NAT1: variants seen among roughly 807,000 people sequenced by gnomAD.
The protein encoded by NAT1 is arylamine N-acetyltransferase 1.
For synonymous variants in NAT1, 144 were observed against 122.6 expected, an observed-to-expected ratio of 1.17 and a Z score of -1.16; for missense variants, 400 against 339.2, an observed-to-expected ratio of 1.18 and a Z score of -1.41.
At chr8:18,221,062 A>G (rs1563195771) in intron 2 of NAT1, among the ~76,000 whole-genome samples, 1 of 152,160 alleles carries the variant, frequency 6.6e-6, no homozygotes, top group Non-Finnish European at 1.5e-5. Context: ...CTTACAGTAA[A>G]AACCAAAATG....
intron 2 of NAT1, among the ~76,000 whole-genome samples, chr8:18,176,990 A>G (rs550115190): frequency 6.6e-6 from 1 of 152,184 alleles, no homozygotes; most frequent in East Asian, 1.9e-4. Context: ...GAATGAGATT[A>G]TTTTTAAAAT....
intron 2 of NAT1, among the ~76,000 whole-genome samples, chr8:18,184,142 C>T (rs1191967079): frequency 6.6e-6 from 1 of 152,304 alleles, no homozygotes; most frequent in Non-Finnish European, 1.5e-5. Context: ...GCCTGGGCCC[C>T]ATGACTTGCC....
chr8:18,172,512 G>C (rs1326274808), intron 2 of NAT1, among the ~76,000 whole-genome samples: 2 of 152,098 alleles, frequency 1.3e-5, no homozygotes, highest in African/African-American at 4.8e-5. Flanking sequence ...CCATGTACCA[G>C]TCAAAACTAA....
At chr8:18,180,452 G>A (rs1329770560) in intron 2 of NAT1, among the ~76,000 whole-genome samples, 1 of 152,090 alleles carries the variant, frequency 6.6e-6, no homozygotes, top group African/African-American at 2.4e-5. Context: ...CACCTGCTCT[G>A]CTCCAGTATT....
At position 18,213,675 on chromosome 8, in the gene NAT1, T is replaced by A. The variant is rs532878252; in HGVS notation, c.-86+3495T>A. Among the ~76,000 whole-genome samples the A allele has an allele frequency of 1.4e-4, 22 of 152,278 alleles. No homozygotes were observed. In the South Asian group the frequency reaches 4.6e-3, roughly 32 times the overall value. ...AGTCTGGTGCTGCCTGGCTCATGAA[T>A]TGCTATCTGTTCTAATAAACTTTAA... On this transcript the variant is annotated intron_variant, in intron 1 of 2. Coordinates refer to ENST00000307719, the MANE Select transcript of NAT1 (RefSeq NM_000662.8).
At chr8:18,197,441 A>C (rs1180269789) in intron 2 of NAT1, among the ~76,000 whole-genome samples, 2 of 152,310 alleles carry the variant, frequency 1.3e-5, no homozygotes, top group African/African-American at 2.4e-5. Flanking sequence ...AGACATCGGC[A>C]GTGTCTGGAG....
At chr8:18,171,629 CA>C (rs1199400552) in intron 2 of NAT1, among the ~76,000 whole-genome samples, 3 of 151,834 alleles carry the variant, frequency 2.0e-5, no homozygotes, top group Non-Finnish European at 4.4e-5. Flanking sequence ...ACAAACAAAA[CA>C]AAAAAACCTC....
intron 2 of NAT1, among the ~76,000 whole-genome samples, chr8:18,191,261 A>G (rs1403503835): frequency 6.6e-6 from 1 of 152,208 alleles, no homozygotes; most frequent in Non-Finnish European, 1.5e-5. Context: ...TGTCTACAGT[A>G]TGAGAAGAAC....
chr8:18,202,017 C>T (rs994830151), intron 2 of NAT1, among the ~76,000 whole-genome samples: 2 of 152,196 alleles, frequency 1.3e-5, no homozygotes, highest in African/African-American at 2.4e-5. Context: ...TTTTGAAACT[C>T]TTTGTAAATA....
intron 2 of NAT1, among the ~76,000 whole-genome samples, chr8:18,174,661 C>T (rs148795668): frequency 3.9e-5 from 6 of 151,990 alleles, no homozygotes; most frequent in Non-Finnish European, 7.4e-5. Flanking sequence ...TGATTTTTCC[C>T]TGTAATAATA....
intron 2 of NAT1, among the ~76,000 whole-genome samples, chr8:18,197,489 A>C (rs1335157736): frequency 6.6e-6 from 1 of 152,106 alleles, no homozygotes; most frequent in East Asian, 1.9e-4. Flanking sequence ...TGCTATTGGC[A>C]TCTAGTGGGT....
At position 18,217,775 on chromosome 8, in the gene NAT1, T is replaced by A. The variant is rs149129477; in HGVS notation, c.-85-1636T>A. Among the ~76,000 whole-genome samples the A allele has an allele frequency of 2.4e-4, 36 of 152,290 alleles. No homozygotes were observed. In the East Asian group the frequency reaches 7.0e-3, roughly 29 times the overall value. On this transcript the variant is annotated intron_variant, in intron 1 of 2. Transcript: ENST00000307719. ...TACAATATTGTTTATTGCCCTCAAG[T>A]CCTGCACAAATCTCCATTTTCTCCT...
At chr8:18,215,567 G>A (rs1488485469) in intron 1 of NAT1, among the ~76,000 whole-genome samples, 3 of 151,724 alleles carry the variant, frequency 2.0e-5, no homozygotes, top group Middle Eastern at 3.2e-3. Flanking sequence ...TTTATTTTTA[G>A]CTGTTTTTTA....
At chr8:18,209,313 G>A (rs535771387), upstream of NAT1, among the ~76,000 whole-genome samples, 2 of 152,350 alleles carry the variant, frequency 1.3e-5, no homozygotes, top group East Asian at 1.9e-4. Flanking sequence ...CACAGCACAA[G>A]GAAACACTCA....
intron 2 of NAT1, among the ~76,000 whole-genome samples, chr8:18,199,317 C>CAAA (rs373393013): frequency 4.6e-5 from 4 of 87,476 alleles, no homozygotes; most frequent in African/African-American, 1.5e-4. Flanking sequence ...GACTCTGTCT[C>CAAA]AAAAAAAAAA....
intron 2 of NAT1, among the ~76,000 whole-genome samples, chr8:18,179,793 T>C (rs981540385): frequency 5.9e-5 from 9 of 152,324 alleles, no homozygotes; most frequent in African/African-American, 2.2e-4. Context: ...ATATTTATTT[T>C]GCACTCATAT....
intron 1 of NAT1, 72 bp from the exon 2 acceptor site, chr8:18,219,339 C>A: frequency 9.8e-7 from 1 of 1,022,092 alleles, no homozygotes; most frequent in South Asian, 1.5e-5. Context: ...AATTTACGGT[C>A]TACAAAACTA....
intron 2 of NAT1, among the ~76,000 whole-genome samples, chr8:18,172,314 C>T (rs970938162): frequency 2.6e-5 from 4 of 152,172 alleles, no homozygotes; most frequent in Non-Finnish European, 5.9e-5. Context: ...TTCTACCTCC[C>T]GACATGCCAC....
intron 2 of NAT1, among the ~76,000 whole-genome samples, chr8:18,194,539 G>A (rs1388117009): frequency 3.9e-5 from 6 of 152,088 alleles, no homozygotes; most frequent in African/African-American, 1.4e-4. Flanking sequence ...ACTTAAGGTT[G>A]GCTGGGCACG....
Sources: allele counts gnomAD v4.1 joint callset (sites outside exome capture counted in the v4.1 genomes callset), GRCh38; gene constraint gnomAD v4.1.1; transcripts MANE v1.5; gene names NCBI Gene and HGNC (gene_info 2026-07-23, HGNC 2026-07-21).